Variants in CDC14B observed in about 807,000 individuals in gnomAD.
CDC14B encodes the protein cell division cycle 14B.
In CDC14B, 22 loss-of-function variants were observed where a neutral mutation model predicts 64.2. The observed-to-expected ratio is 0.34, with a 90% CI of 0.24 to 0.49. CDC14B has a LOEUF of 0.49. Among genes scored for constraint, CDC14B ranks in the 20% least tolerant of loss-of-function variants. The pLI is 0.99. For missense variants in CDC14B, 498 were observed against 629.9 expected (o/e 0.79, Z 2.24); for synonymous variants, 191 against 215.8 (o/e 0.89, Z 1.01).
intron 5 of CDC14B, among the ~76,000 whole-genome samples, chr9:96,548,097 T>C (rs1048760391): frequency 4.6e-5 from 7 of 152,148 alleles, no homozygotes; most frequent in African/African-American, 1.7e-4. Context: ...AGTGCTAGGA[T>C]TACAGGCGTG....
At chr9:96,543,676 A>G (rs1840405862) in intron 5 of CDC14B, among the ~76,000 whole-genome samples, 1 of 152,188 alleles carries the variant, frequency 6.6e-6, no homozygotes, top group East Asian at 1.9e-4. Context: ...CTTTTTGGCT[A>G]CCTTGAGCCA....
exon 14 of CDC14B, chr9:96,491,629 T>A (rs1833098189): frequency 1.3e-5 from 2 of 152,230 alleles, no homozygotes; most frequent in African/African-American, 4.8e-5. Flanking sequence ...TTTGAAGCTG[T>A]CACACTGTCA....
chr9:96,561,277 T>C (rs1384248763), intron 4 of CDC14B, among the ~76,000 whole-genome samples: 1 of 152,246 alleles, frequency 6.6e-6, no homozygotes, highest in African/African-American at 2.4e-5. Context: ...GTTAATGATA[T>C]ACCTTATACA....
At chr9:96,535,139 T>TCTA (rs1174817646) in intron 7 of CDC14B, among the ~76,000 whole-genome samples, 1 of 152,148 alleles carries the variant, frequency 6.6e-6, no homozygotes, top group Non-Finnish European at 1.5e-5. Flanking sequence ...AAATCCTGCC[T>TCTA]CTACTAAAAA....
chr9:96,590,853 C>T (rs1845748591), intron 1 of CDC14B, among the ~76,000 whole-genome samples: 1 of 152,126 alleles, frequency 6.6e-6, no homozygotes, highest in Admixed American at 6.6e-5. Context: ...CAGGTGCATG[C>T]CACAGCTCTG....
Position 96,503,098 on chromosome 9 carries a change from T to C in CDC14B, c.*655A>G, listed in dbSNP as rs1292892861. On this transcript the variant is annotated 3_prime_UTR_variant, in exon 14 of 14. Transcript: ENST00000375241. ...TTCTAAAGCTACCATTAATATTCTC[T>C]TGCAAGTTTTAGGTTACTAAGGTAC... is the stretch of plus-strand genomic sequence containing the variant. The C allele has an allele frequency of 1.1e-4, 42 of 383,522 alleles. No homozygotes were observed. The East Asian group carries it at 1.5e-3, about 14-fold the overall frequency. The allele number at this position is 383,522 out of a possible 1,614,324, so 23.8% of individuals were successfully genotyped here.
intron 12 of CDC14B, among the ~76,000 whole-genome samples, chr9:96,513,567 C>T (rs1448256077): frequency 6.6e-6 from 1 of 152,202 alleles, no homozygotes; most frequent in Non-Finnish European, 1.5e-5. Flanking sequence ...ATCCTTGGAG[C>T]CTCGGTACTC....
At chr9:96,528,894 T>C (rs1163011192) in intron 9 of CDC14B, among the ~76,000 whole-genome samples, 1 of 152,208 alleles carries the variant, frequency 6.6e-6, no homozygotes, top group African/African-American at 2.4e-5. Context: ...TCACTGGCCA[T>C]TTTATATCTT....
intron 9 of CDC14B, among the ~76,000 whole-genome samples, chr9:96,529,814 G>T (rs1467684968): frequency 6.6e-6 from 1 of 152,002 alleles, no homozygotes; most frequent in Non-Finnish European, 1.5e-5. Flanking sequence ...TTTAAACCAG[G>T]AAGTGAGTCC....
At chr9:96,556,395 G>A (rs1328848823) in intron 4 of CDC14B, among the ~76,000 whole-genome samples, 1 of 151,716 alleles carries the variant, frequency 6.6e-6, no homozygotes, top group Non-Finnish European at 1.5e-5. Context: ...ACAAATCAAT[G>A]CAAGTTGAAG....
intron 13 of CDC14B, among the ~76,000 whole-genome samples, chr9:96,507,939 A>G (rs1834381858): frequency 6.6e-6 from 1 of 152,158 alleles, no homozygotes; most frequent in African/African-American, 2.4e-5. Flanking sequence ...GTAGGTATAT[A>G]AATATTTATA....
intron 4 of CDC14B, among the ~76,000 whole-genome samples, chr9:96,552,074 G>A (rs930267955): frequency 1.3e-5 from 2 of 152,184 alleles, no homozygotes; most frequent in Non-Finnish European, 2.9e-5. Flanking sequence ...GTTGTTTGCA[G>A]TATAAGCCCT....
chr9:96,597,751 T>A (rs1846182284), intron 1 of CDC14B, among the ~76,000 whole-genome samples: 1 of 152,192 alleles, frequency 6.6e-6, no homozygotes, highest in African/African-American at 2.4e-5. Flanking sequence ...ATGGAATGAA[T>A]GGCCCTAGAA....
chr9:96,578,002 G>A (rs1233879518), intron 1 of CDC14B, among the ~76,000 whole-genome samples: 1 of 152,080 alleles, frequency 6.6e-6, no homozygotes, highest in African/African-American at 2.4e-5. Flanking sequence ...GAAAAACAGA[G>A]TAAATACAGC....
chr9:96,578,161 G>GT (rs532316652), intron 1 of CDC14B, among the ~76,000 whole-genome samples: 331 of 152,290 alleles, frequency 2.2e-3, no homozygotes, highest in Middle Eastern at 6.8e-3. Flanking sequence ...GAGCAACAAC[G>GT]TAAGTATATA....
rs1163708706 is a variant in CDC14B, at chr9:96,508,330, G to A, written c.1460+1343C>T. ...CGCACCCGGCCCATACTTCAGAATTGTTATGCATGGCTCTTTTCACTTACT... is the reference window on the plus strand; with the variant it reads ...CGCACCCGGCCCATACTTCAGAATTATTATGCATGGCTCTTTTCACTTACT... On this transcript the variant is annotated intron_variant, in intron 13 of 13. Transcript: ENST00000375241. Among the ~76,000 whole-genome samples the A allele has an allele frequency of 3.3e-5, 5 of 150,682 alleles. No homozygotes were observed. The South Asian group carries it at 1.1e-3, about 32-fold the overall frequency.
chr9:96,542,429 A>AT (rs756838468), intron 5 of CDC14B, among the ~76,000 whole-genome samples: 51 of 152,346 alleles, frequency 3.3e-4, no homozygotes, highest in Non-Finnish European at 6.0e-4. Context: ...GTAGAAGGTC[A>AT]TAAGCATTTT....
intron 1 of CDC14B, among the ~76,000 whole-genome samples, chr9:96,617,437 A>G (rs1847700077): frequency 6.6e-6 from 1 of 152,064 alleles, no homozygotes. Context: ...ATCTACATAA[A>G]CATTTAAATC....
chr9:96,544,193 T>C (rs1169712840), intron 5 of CDC14B, among the ~76,000 whole-genome samples: 5 of 152,060 alleles, frequency 3.3e-5, no homozygotes, highest in Non-Finnish European at 7.4e-5. Context: ...CACTCCAGCC[T>C]GGTGACAGAG....
Sources: gnomAD v4.1 joint callset for allele counts (sites outside exome capture counted in the v4.1 genomes callset) on GRCh38, gnomAD v4.1.1 for gene constraint, MANE v1.5 for transcripts, NCBI Gene and HGNC (gene_info 2026-07-23, HGNC 2026-07-21) for gene names.